The following HS6ST3 variants were observed in gnomAD, a reference collection of about 807,000 sequenced individuals.
The protein encoded by HS6ST3 is heparan sulfate 6-O-sulfotransferase 3, also known as heparan-sulfate 6-O-sulfotransferase 3.
A neutral mutation model predicts 36.7 loss-of-function variants in HS6ST3; 12 were observed. The ratio of observed to expected loss-of-function variants is 0.33; its 90% CI spans 0.21 to 0.53. HS6ST3 has a LOEUF of 0.53. HS6ST3 is among the 20% of genes least tolerant of loss of function. The pLI is 0.95. For synonymous variants in HS6ST3, 240 were observed against 257.5 expected (o/e 0.93, Z 0.65); for missense variants, 584 against 640.9 (o/e 0.91, Z 0.96).
At chr13:96,421,477 G>C (rs747289237) in intron 1 of HS6ST3, among the ~76,000 whole-genome samples, 11 of 152,106 alleles carry the variant, frequency 7.2e-5, no homozygotes, top group Non-Finnish European at 1.3e-4. Context: ...TTTTACTCAA[G>C]GTAAAAACCA....
At chr13:96,334,029 G>A (rs1458370283) in intron 1 of HS6ST3, among the ~76,000 whole-genome samples, 2 of 152,144 alleles carry the variant, frequency 1.3e-5, no homozygotes, top group Admixed American at 6.5e-5. Context: ...TGTAGGGTGG[G>A]TACACTGTGG....
At chr13:96,383,151 G>A (rs1468620097) in intron 1 of HS6ST3, among the ~76,000 whole-genome samples, 1 of 151,534 alleles carries the variant, frequency 6.6e-6, no homozygotes, top group East Asian at 1.9e-4. Context: ...TGAGATGGAT[G>A]AGGTAAAAGT....
At chr13:96,710,623 G>A (rs1875539869) in intron 1 of HS6ST3, among the ~76,000 whole-genome samples, 1 of 152,248 alleles carries the variant, frequency 6.6e-6, no homozygotes, top group African/African-American at 2.4e-5. Flanking sequence ...GAAGCAGGCT[G>A]ATTGCACTGT....
At chr13:96,612,204 A>G (rs905611508) in intron 1 of HS6ST3, among the ~76,000 whole-genome samples, 2 of 152,144 alleles carry the variant, frequency 1.3e-5, no homozygotes, top group Non-Finnish European at 2.9e-5. Context: ...GAAATAGGAA[A>G]CACAGGGTGA....
chr13:96,624,569 T>C lies in HS6ST3; in HGVS notation c.708-207921T>C, dbSNP rs939971496. ...CCCAGATAGTAAGCATAGTACCCAA[T>C]AGCCAGTTTTGCAGCCCTGGCTCCC... On this transcript the variant is annotated intron_variant, in intron 1 of 1. Coordinates refer to ENST00000376705, the MANE Select transcript of HS6ST3 (RefSeq NM_153456.4). 6.5e-4 allele frequency among the ~76,000 whole-genome samples: 99 copies of C among 152,198 alleles called. 1 individual carries two copies. The highest frequency in any genetic ancestry group is 2.2e-3 in the African/African-American group (92 of 41,460).
chr13:96,395,015 A>C (rs1424850916), intron 1 of HS6ST3, among the ~76,000 whole-genome samples: 4 of 152,104 alleles, frequency 2.6e-5, no homozygotes, highest in Non-Finnish European at 4.4e-5. Flanking sequence ...TACACTGTGA[A>C]TATCTTTCTA....
chr13:96,093,820 A>G (rs1035961183), intron 1 of HS6ST3, among the ~76,000 whole-genome samples: 8 of 152,148 alleles, frequency 5.3e-5, no homozygotes, highest in Non-Finnish European at 8.8e-5. Flanking sequence ...CTGTCATTGT[A>G]ATGTCTGTGT....
At chr13:96,825,122 G>A (rs1878622387) in intron 1 of HS6ST3, among the ~76,000 whole-genome samples, 1 of 152,186 alleles carries the variant, frequency 6.6e-6, no homozygotes. Flanking sequence ...ACTGTGGAGT[G>A]TGGAGCTATT....
chr13:96,371,258 G>T (rs1051707800), intron 1 of HS6ST3, among the ~76,000 whole-genome samples: 9 of 152,090 alleles, frequency 5.9e-5, no homozygotes, highest in Non-Finnish European at 1.2e-4. Flanking sequence ...GTATTTCATG[G>T]TGGTCTTAAT....
intron 1 of HS6ST3, among the ~76,000 whole-genome samples, chr13:96,638,950 A>G (rs1184016919): frequency 6.6e-6 from 1 of 152,034 alleles, no homozygotes; most frequent in Non-Finnish European, 1.5e-5. Flanking sequence ...ATATGCATTT[A>G]AAATCATTGA....
chr13:96,521,431 G>T (rs2056093090), intron 1 of HS6ST3, among the ~76,000 whole-genome samples: 2 of 152,190 alleles, frequency 1.3e-5, no homozygotes, highest in Admixed American at 6.5e-5. Context: ...AATGGTACCA[G>T]CTCCTCTTTG....
rs140305543 is a variant in HS6ST3, at chr13:96,488,046, C to G, written c.708-344444C>G. Among the ~76,000 whole-genome samples, 114 of 152,212 alleles carry G rather than the reference C, an allele frequency of 7.5e-4. 1 individual carries two copies. The highest frequency in any genetic ancestry group is 2.6e-3 in the African/African-American group (110 of 41,556). Reference sequence around the variant, plus strand: ...ATTTAACTCTGCAAACTCACACAATCAGAATCTGTATAGAATGTTTTTCTT... The same window carrying G: ...ATTTAACTCTGCAAACTCACACAATGAGAATCTGTATAGAATGTTTTTCTT... On this transcript the variant is annotated intron_variant, in intron 1 of 1. Coordinates refer to ENST00000376705, the MANE Select transcript of HS6ST3 (RefSeq NM_153456.4).
chr13:96,444,707 A>G (rs1273223663), intron 1 of HS6ST3, among the ~76,000 whole-genome samples: 1 of 152,228 alleles, frequency 6.6e-6, no homozygotes, highest in Non-Finnish European at 1.5e-5. Flanking sequence ...TATGAGCAAT[A>G]AAAGGACTTG....
intron 1 of HS6ST3, among the ~76,000 whole-genome samples, chr13:96,232,783 A>G (rs2054514971): frequency 1.3e-5 from 2 of 152,288 alleles, no homozygotes; most frequent in Admixed American, 6.5e-5. Context: ...GCTGTGCTCA[A>G]AGATGAGAAG....
intron 1 of HS6ST3, among the ~76,000 whole-genome samples, chr13:96,481,914 T>C (rs2055891984): frequency 6.6e-6 from 1 of 152,190 alleles, no homozygotes; most frequent in Non-Finnish European, 1.5e-5. Flanking sequence ...CTTTGTTTCT[T>C]TCTTCCTTTC....
At chr13:96,477,677 C>G (rs975401998) in intron 1 of HS6ST3, among the ~76,000 whole-genome samples, 2 of 152,090 alleles carry the variant, frequency 1.3e-5, no homozygotes, top group Admixed American at 1.3e-4. Flanking sequence ...CAAGACCAGC[C>G]TGGCCAACAT....
At chr13:96,576,769 C>G (rs1259714427) in intron 1 of HS6ST3, among the ~76,000 whole-genome samples, 1 of 151,700 alleles carries the variant, frequency 6.6e-6, no homozygotes, top group Non-Finnish European at 1.5e-5. Context: ...TTGTGACACT[C>G]CCATCTCTAC....
At chr13:96,775,686 A>G (rs991998075) in intron 1 of HS6ST3, among the ~76,000 whole-genome samples, 4 of 152,174 alleles carry the variant, frequency 2.6e-5, no homozygotes, top group Admixed American at 2.6e-4. Context: ...CAGATTAATA[A>G]AGCAAGTTCT....
intron 1 of HS6ST3, among the ~76,000 whole-genome samples, chr13:96,144,282 G>A (rs1028343928): frequency 3.3e-5 from 5 of 152,226 alleles, no homozygotes; most frequent in African/African-American, 1.2e-4. Context: ...GCAATTCCTT[G>A]ATTATATTAA....
Sources: allele counts gnomAD v4.1 joint callset (sites outside exome capture counted in the v4.1 genomes callset), GRCh38; gene constraint gnomAD v4.1.1; transcripts MANE v1.5; gene names NCBI Gene and HGNC (gene_info 2026-07-23, HGNC 2026-07-21).